PTPRD: variants seen among roughly 807,000 people sequenced by gnomAD.
The protein encoded by PTPRD is receptor-type tyrosine-protein phosphatase delta.
PTPRD carries 34 observed loss-of-function variants against 214.5 expected under a neutral mutation model. That is an observed-to-expected ratio of 0.16 (90% confidence interval 0.12 to 0.21). The LOEUF is 0.21. PTPRD is among the 10% of genes least tolerant of loss of function. The pLI is 1.00. For synonymous variants in PTPRD, 1,128 were observed against 845.7 expected, an observed-to-expected ratio of 1.33 and a Z score of -5.79; for missense variants, 2,545 against 2,398.7, an observed-to-expected ratio of 1.06 and a Z score of -1.27.
intron 4 of PTPRD, among the ~76,000 whole-genome samples, chr9:9,945,397 C>G (rs984078383): frequency 2.0e-5 from 3 of 152,062 alleles, no homozygotes; most frequent in Non-Finnish European, 4.4e-5. Flanking sequence ...AAGACTAAAG[C>G]CTTGGGTAGT....
chr9:8,803,274 A>C (rs2096608081), intron 11 of PTPRD, among the ~76,000 whole-genome samples: 1 of 152,108 alleles, frequency 6.6e-6, no homozygotes, highest in African/African-American at 2.4e-5. Flanking sequence ...GCAAATGTAC[A>C]CCTTAGATAA....
At chr9:10,597,072 T>TAG (rs2076791757) in intron 2 of PTPRD, among the ~76,000 whole-genome samples, 1 of 150,702 alleles carries the variant, frequency 6.6e-6, no homozygotes, top group Non-Finnish European at 1.5e-5. Context: ...TTATTTTCCA[T>TAG]ATATATATAT....
chr9:8,798,983 T>G (rs2096510419), intron 11 of PTPRD, among the ~76,000 whole-genome samples: 1 of 152,148 alleles, frequency 6.6e-6, no homozygotes, highest in Non-Finnish European at 1.5e-5. Context: ...TACAGGGTTA[T>G]TATAAGGATT....
intron 14 of PTPRD, among the ~76,000 whole-genome samples, chr9:8,599,640 T>G (rs1265696193): frequency 1.6e-5 from 2 of 125,664 alleles, no homozygotes; most frequent in Admixed American, 8.2e-5. Context: ...TTTTTTTTTT[T>G]GAAACGGAGT....
At chr9:8,808,822 C>T (rs889105708) in intron 11 of PTPRD, among the ~76,000 whole-genome samples, 1 of 152,100 alleles carries the variant, frequency 6.6e-6, no homozygotes, top group African/African-American at 2.4e-5. Context: ...ATCAAACTCT[C>T]TGGATATGGT....
intron 9 of PTPRD, among the ~76,000 whole-genome samples, chr9:9,279,179 T>C (rs34394690): frequency 1.3e-5 from 2 of 150,786 alleles, no homozygotes; most frequent in Admixed American, 6.7e-5. Flanking sequence ...GATAATTTTG[T>C]ATGTATATAT....
intron 17 of PTPRD, among the ~76,000 whole-genome samples, chr9:8,525,536 A>G (rs1186805798): frequency 6.6e-6 from 1 of 152,210 alleles, no homozygotes; most frequent in Non-Finnish European, 1.5e-5. Flanking sequence ...CAAAAAATTA[A>G]AATTAGTCAT....
At chr9:10,468,588 G>C (rs12352592) in intron 2 of PTPRD, among the ~76,000 whole-genome samples, 10,595 of 152,120 alleles carry the variant, frequency 0.07, 585 homozygotes, top group East Asian at 0.29. Context: ...CATGGCACAT[G>C]TATACCTATG....
At chr9:9,012,392 C>T (rs1287225902) in intron 11 of PTPRD, among the ~76,000 whole-genome samples, 2 of 152,116 alleles carry the variant, frequency 1.3e-5, no homozygotes, top group Non-Finnish European at 2.9e-5. Context: ...AACAAACCTG[C>T]CCAATACGTA....
intron 11 of PTPRD, among the ~76,000 whole-genome samples, chr9:8,991,640 C>T (rs1187769690): frequency 2.0e-5 from 3 of 151,984 alleles, no homozygotes; most frequent in African/African-American, 7.2e-5. Flanking sequence ...AACTATTTTC[C>T]TTAATTTTTT....
chr9:10,450,591 T>G (rs981285302), intron 2 of PTPRD, among the ~76,000 whole-genome samples: 5 of 152,048 alleles, frequency 3.3e-5, no homozygotes. Flanking sequence ...AGTTCCATTT[T>G]AAATTAAGCT....
At chr9:9,941,222 T>C (rs919515266) in intron 4 of PTPRD, among the ~76,000 whole-genome samples, 2 of 152,164 alleles carry the variant, frequency 1.3e-5, no homozygotes, top group Non-Finnish European at 2.9e-5. Context: ...GCTTCCTATA[T>C]GACTATGAGG....
chr9:8,785,259 A>G (rs936089094), intron 11 of PTPRD, among the ~76,000 whole-genome samples: 2 of 152,206 alleles, frequency 1.3e-5, no homozygotes, highest in Non-Finnish European at 2.9e-5. Flanking sequence ...ACACTAATCA[A>G]TGAAAGAGAA....
At chr9:10,548,993 T>G (rs2060739167) in intron 2 of PTPRD, among the ~76,000 whole-genome samples, 1 of 152,200 alleles carries the variant, frequency 6.6e-6, no homozygotes, top group African/African-American at 2.4e-5. Flanking sequence ...TTGAACATTT[T>G]CCACAAGCAA....
chr9:10,241,331 A>T (rs2091002643), intron 3 of PTPRD, among the ~76,000 whole-genome samples: 1 of 151,990 alleles, frequency 6.6e-6, no homozygotes, highest in Non-Finnish European at 1.5e-5. Flanking sequence ...CATATGACCC[A>T]ATCATTTCAT....
intron 7 of PTPRD, among the ~76,000 whole-genome samples, chr9:9,715,554 C>T (rs1267494080): frequency 6.6e-6 from 1 of 152,056 alleles, no homozygotes; most frequent in Non-Finnish European, 1.5e-5. Context: ...AGAGAACAAA[C>T]ACCTGTTCCA....
intron 11 of PTPRD, among the ~76,000 whole-genome samples, chr9:8,993,444 G>C (rs1476566609): frequency 1.3e-5 from 2 of 152,082 alleles, no homozygotes; most frequent in South Asian, 2.1e-4. Context: ...ACTTTGTGTA[G>C]CGTTTTTCCC....
At chr9:9,042,139 T>C (rs761563036) in intron 10 of PTPRD, among the ~76,000 whole-genome samples, 61 of 152,206 alleles carry the variant, frequency 4.0e-4, no homozygotes, top group Non-Finnish European at 7.3e-4. Context: ...CTTCTTTATG[T>C]ATTCTTATAC....
At chr9:10,407,165 T>C (rs184362312) in intron 2 of PTPRD, among the ~76,000 whole-genome samples, 4 of 151,644 alleles carry the variant, frequency 2.6e-5, no homozygotes, top group African/African-American at 4.8e-5. Context: ...AACTTAATTA[T>C]TGGAAAGAGT....
Sources: allele counts gnomAD v4.1 joint callset (sites outside exome capture counted in the v4.1 genomes callset), GRCh38; gene constraint gnomAD v4.1.1; transcripts MANE v1.5; gene names NCBI Gene and HGNC (gene_info 2026-07-23, HGNC 2026-07-21).